Variants in KIAA0825 observed in about 807,000 individuals in gnomAD.
KIAA0825 encodes the protein uncharacterized protein KIAA0825.
KIAA0825 carries 119 observed loss-of-function variants against 147.6 expected under a neutral mutation model. The ratio of observed to expected loss-of-function variants is 0.81; its 90% CI spans 0.69 to 0.94. KIAA0825 has a LOEUF of 0.94. KIAA0825 is among the 40% of genes least tolerant of loss of function. KIAA0825 has a pLI of 0.00. For missense variants in KIAA0825, 1,381 were observed against 1,472.7 expected (o/e 0.94, Z 1.02); for synonymous variants, 470 against 518.1 (o/e 0.91, Z 1.26).
intron 20 of KIAA0825, among the ~76,000 whole-genome samples, chr5:94,262,961 T>G (rs767640159): frequency 6.6e-6 from 1 of 152,166 alleles, no homozygotes; most frequent in East Asian, 1.9e-4. Context: ...AGACCCAGTC[T>G]AGTGTTACTA....
At chr5:94,271,493 A>T (rs1776983236) in intron 20 of KIAA0825, among the ~76,000 whole-genome samples, 1 of 152,220 alleles carries the variant, frequency 6.6e-6, no homozygotes, top group African/African-American at 2.4e-5. Context: ...CATGCCTGTA[A>T]TCCTAACACT....
intron 20 of KIAA0825, among the ~76,000 whole-genome samples, chr5:94,199,394 G>T (rs1307502026): frequency 6.6e-6 from 1 of 152,178 alleles, no homozygotes; most frequent in Non-Finnish European, 1.5e-5. Flanking sequence ...GTCCCTCAAG[G>T]TCAAGCACCT....
chr5:94,314,191 G>A (rs943224676), intron 20 of KIAA0825, among the ~76,000 whole-genome samples: 3 of 151,728 alleles, frequency 2.0e-5, no homozygotes, highest in Non-Finnish European at 4.4e-5. Flanking sequence ...TGAAAGCAAA[G>A]GTGGCAATTA....
At chr5:94,585,961 A>T (rs73132688) in intron 1 of KIAA0825, among the ~76,000 whole-genome samples, 11,615 of 152,268 alleles carry the variant, frequency 0.076, 489 homozygotes, top group South Asian at 0.11. Context: ...AATGACATGA[A>T]GGCAGAATAC....
At chr5:94,400,974 A>G (rs1462684183) in intron 16 of KIAA0825, among the ~76,000 whole-genome samples, 1 of 152,112 alleles carries the variant, frequency 6.6e-6, no homozygotes, top group Non-Finnish European at 1.5e-5. Context: ...GTCTTTTAGT[A>G]AGTTAGATTT....
intron 20 of KIAA0825, among the ~76,000 whole-genome samples, chr5:94,251,652 T>C (rs1311341973): frequency 6.6e-6 from 1 of 152,110 alleles, no homozygotes; most frequent in African/African-American, 2.4e-5. Flanking sequence ...CTTCAGATGC[T>C]ATCTTTACAT....
At chr5:94,530,525 C>G (rs1300914604) in intron 3 of KIAA0825, among the ~76,000 whole-genome samples, 2 of 152,090 alleles carry the variant, frequency 1.3e-5, no homozygotes, top group East Asian at 3.9e-4. Context: ...TATTCCAGGT[C>G]CCATGAAAGG....
intron 2 of KIAA0825, among the ~76,000 whole-genome samples, chr5:94,577,599 C>A (rs959702504): frequency 2.0e-5 from 3 of 152,162 alleles, no homozygotes; most frequent in African/African-American, 7.2e-5. Context: ...TATCTCAATT[C>A]CTTTTACAAA....
intron 15 of KIAA0825, among the ~76,000 whole-genome samples, chr5:94,410,852 G>A (rs1326464126): frequency 3.3e-5 from 5 of 152,048 alleles, no homozygotes; most frequent in African/African-American, 1.2e-4. Context: ...TACAAGAAAT[G>A]TTAAAGGAAG....
chr5:94,348,331 G>A (rs960250514), intron 20 of KIAA0825, among the ~76,000 whole-genome samples: 1 of 152,102 alleles, frequency 6.6e-6, no homozygotes, highest in African/African-American at 2.4e-5. Context: ...TCTTCACCTA[G>A]GTACACTGTC....
intron 20 of KIAA0825, among the ~76,000 whole-genome samples, chr5:94,378,839 G>A (rs996918773): frequency 1.1e-4 from 16 of 152,068 alleles, no homozygotes; most frequent in African/African-American, 3.1e-4. Context: ...TTTGATTTGC[G>A]TTTCTCTAAT....
chr5:94,453,914 A>G (rs1758754981), intron 12 of KIAA0825, among the ~76,000 whole-genome samples: 1 of 151,930 alleles, frequency 6.6e-6, no homozygotes, highest in South Asian at 2.1e-4. Flanking sequence ...TATAAATATT[A>G]AATAATTAAT....
chr5:94,333,621 T>A (rs913870966), intron 20 of KIAA0825, among the ~76,000 whole-genome samples: 5 of 152,200 alleles, frequency 3.3e-5, no homozygotes, highest in African/African-American at 1.2e-4. Flanking sequence ...GCTGTCTTGG[T>A]TACTGTAGCC....
At chr5:94,604,799 G>T (rs952659279) in intron 1 of KIAA0825, among the ~76,000 whole-genome samples, 1 of 152,102 alleles carries the variant, frequency 6.6e-6, no homozygotes, top group Non-Finnish European at 1.5e-5. Flanking sequence ...AAGCTAGAAA[G>T]ATCTCAAGTT....
At chr5:94,541,368 G>A (rs1165341383) in intron 2 of KIAA0825, among the ~76,000 whole-genome samples, 1 of 152,192 alleles carries the variant, frequency 6.6e-6, no homozygotes, top group Non-Finnish European at 1.5e-5. Context: ...TTGAAAAACA[G>A]TCTACACGCA....
chr5:94,267,858 T>C (rs1272121512), intron 20 of KIAA0825, among the ~76,000 whole-genome samples: 2 of 152,128 alleles, frequency 1.3e-5, no homozygotes, highest in African/African-American at 4.8e-5. Context: ...CAGATAAATA[T>C]GTTAAGTTTG....
intron 14 of KIAA0825, among the ~76,000 whole-genome samples, chr5:94,438,197 A>G (rs1756621696): frequency 6.6e-6 from 1 of 152,204 alleles, no homozygotes; most frequent in Admixed American, 6.5e-5. Flanking sequence ...GCTACTCGCT[A>G]TTTATCAGAT....
At chr5:94,365,302 G>A (rs1185120459) in intron 20 of KIAA0825, among the ~76,000 whole-genome samples, 1 of 152,094 alleles carries the variant, frequency 6.6e-6, no homozygotes, top group Admixed American at 6.6e-5. Context: ...CAATTCCCTT[G>A]GCGTGAGACG....
intron 1 of KIAA0825, among the ~76,000 whole-genome samples, chr5:94,616,441 G>T (rs1790518095): frequency 6.6e-6 from 1 of 152,066 alleles, no homozygotes; most frequent in Non-Finnish European, 1.5e-5. Context: ...TACGTGAGTG[G>T]AACAGCACAG....
Sources: gnomAD v4.1 joint callset for allele counts (sites outside exome capture counted in the v4.1 genomes callset) on GRCh38, gnomAD v4.1.1 for gene constraint, MANE v1.5 for transcripts, NCBI Gene and HGNC (gene_info 2026-07-23, HGNC 2026-07-21) for gene names.